Variants in ALDH8A1 observed in about 807,000 individuals in gnomAD.
ALDH8A1 encodes the protein 2-aminomuconic semialdehyde dehydrogenase.
ALDH8A1 carries 39 observed loss-of-function variants against 43.3 expected under a neutral mutation model. The observed-to-expected ratio is 0.90, with a 90% CI of 0.70 to 1.18. The LOEUF (loss-of-function observed/expected upper bound fraction) is 1.18. Ranked by LOEUF, ALDH8A1 falls within the 50% of genes most tolerant of loss-of-function variation. The probability of loss-of-function intolerance (pLI) is 0.00; values close to 1 mark genes in which losing one functional copy is unlikely to be tolerated. For synonymous variants in ALDH8A1, 233 were observed against 243.5 expected, an observed-to-expected ratio of 0.96 and a Z score of 0.40; for missense variants, 605 against 622.6, an observed-to-expected ratio of 0.97 and a Z score of 0.30.
At position 134,918,860 on chromosome 6, in the gene ALDH8A1, C is replaced by G; in HGVS notation, c.1019G>C (p.Ser340Thr). 4.3e-6 allele frequency: 7 copies of G among 1,613,042 alleles called. No individual in the cohort carries two copies. Among genetic ancestry groups the G allele is most frequent in the Non-Finnish European group, 5.1e-6 (6 of 1,179,052 alleles). Reference protein sequence around the residue: ...ISKAHLEKVRSYVKRALAEGA... With the variant: ...ISKAHLEKVRTYVKRALAEGA... ...TTCAGCAAGAGCTCTCTTGACGTAA[C>G]TTCTGACCTGCGTGGGTAAAAATCA... Residue 340 changes from serine (S) to threonine (T), a missense_variant, in exon 7 of 7, where the codon AGT becomes ACT. Coordinates refer to ENST00000265605, the MANE Select transcript of ALDH8A1 (RefSeq NM_022568.4).
chr6:134,941,850 G>GA (rs971243180), intron 3 of ALDH8A1, among the ~76,000 whole-genome samples: 15 of 150,592 alleles, frequency 1.0e-4, no homozygotes, highest in African/African-American at 3.2e-4. Flanking sequence ...AATATAAGTA[G>GA]AAAAAAAAAT....
chr6:134,927,511 G>A (rs759176709), intron 6 of ALDH8A1, among the ~76,000 whole-genome samples: 6 of 151,852 alleles, frequency 4.0e-5, no homozygotes, highest in Admixed American at 6.6e-5. Context: ...ACACACACGC[G>A]TGCATGCACA....
chr6:134,933,303 G>T (rs774996428), intron 4 of ALDH8A1, among the ~76,000 whole-genome samples: 1 of 152,168 alleles, frequency 6.6e-6, no homozygotes, highest in Non-Finnish European at 1.5e-5. Flanking sequence ...ACATATTTTA[G>T]GTGATTCATT....
At chr6:134,935,743 C>T (rs1430876820) in intron 4 of ALDH8A1, among the ~76,000 whole-genome samples, 1 of 152,114 alleles carries the variant, frequency 6.6e-6, no homozygotes, top group African/African-American at 2.4e-5. Context: ...GGATACAACC[C>T]ATTTCTTCCA....
intron 3 of ALDH8A1, chr6:134,940,211 G>T: frequency 2.8e-6 from 1 of 360,182 alleles, no homozygotes; most frequent in Admixed American, 3.4e-5. Flanking sequence ...TCCTGCACGT[G>T]TACCCTGGAA....
intron 4 of ALDH8A1, among the ~76,000 whole-genome samples, chr6:134,934,732 G>A (rs146701793): frequency 2.0e-5 from 3 of 152,272 alleles, no homozygotes; most frequent in Admixed American, 6.5e-5. Context: ...GCAGTGAGCC[G>A]AGATGGTGCC....
At chr6:134,931,187 A>G (rs1347718063) in intron 5 of ALDH8A1, among the ~76,000 whole-genome samples, 1 of 152,164 alleles carries the variant, frequency 6.6e-6, no homozygotes, top group African/African-American at 2.4e-5. Context: ...TCTCTGGGCA[A>G]ACTCAAATCG....
At chr6:134,928,751 A>C (rs1478687625) in intron 6 of ALDH8A1, among the ~76,000 whole-genome samples, 2 of 152,212 alleles carry the variant, frequency 1.3e-5, no homozygotes, top group Admixed American at 1.3e-4. Context: ...GCATTCTTCC[A>C]TATCACCCTT....
chr6:134,922,974 C>T (rs1055416541), intron 6 of ALDH8A1, among the ~76,000 whole-genome samples: 3 of 152,132 alleles, frequency 2.0e-5, no homozygotes, highest in African/African-American at 4.8e-5. Flanking sequence ...GTTATAAAAA[C>T]TCTCTGCCTT....
chr6:134,936,411 G>C (rs984865831), intron 4 of ALDH8A1, among the ~76,000 whole-genome samples: 1 of 152,250 alleles, frequency 6.6e-6, no homozygotes, highest in African/African-American at 2.4e-5. Flanking sequence ...TGTGGAAGGA[G>C]AGGATCCCCC....
intron 3 of ALDH8A1, among the ~76,000 whole-genome samples, chr6:134,939,791 A>ACAATAG (rs1388979431): frequency 1.3e-5 from 2 of 152,242 alleles, no homozygotes; most frequent in Non-Finnish European, 1.5e-5. Context: ...TTTGCTATTC[A>ACAATAG]CAATAGCAAT....
chr6:134,939,120 G>T, intron 4 of ALDH8A1, 146 bp downstream of exon 4: 1 of 1,266,454 alleles, frequency 7.9e-7, no homozygotes, highest in Non-Finnish European at 1.1e-6. Context: ...GGAACCCTGT[G>T]GGTGGAGGGG....
rs768098398 is a variant in ALDH8A1, at chr6:134,917,405, T to G, written c.*1010A>C. On this transcript the variant is annotated 3_prime_UTR_variant, in exon 7 of 7. Transcript: ENST00000265605. The stretch of plus-strand genomic sequence containing the variant: ...ATACATGCCATACTGGTTACTAAAA[T>G]TGCTTAACATTTATTGCTTCTTTTG... 1 of 152,128 alleles carries G rather than the reference T, an allele frequency of 6.6e-6. No individual in the cohort carries two copies. Among genetic ancestry groups the G allele is most frequent in the Non-Finnish European group, 1.5e-5 (1 of 68,022 alleles). The allele number at this position is 152,128 out of a possible 1,614,324, so 9.4% of individuals were successfully genotyped here. A position where few individuals can be genotyped will look rare whatever the true frequency, so the allele number is the denominator to read the frequency against.
intron 6 of ALDH8A1, among the ~76,000 whole-genome samples, chr6:134,922,847 A>G (rs1776826636): frequency 6.6e-6 from 1 of 152,180 alleles, no homozygotes; most frequent in Non-Finnish European, 1.5e-5. Context: ...GCAGAAAATC[A>G]AAAGTAGTTG....
At chr6:134,943,405 C>T (rs1407074203) in intron 2 of ALDH8A1, among the ~76,000 whole-genome samples, 5 of 152,004 alleles carry the variant, frequency 3.3e-5, no homozygotes, top group Admixed American at 6.5e-5. Context: ...TATCAGAAAA[C>T]ATCCTAAATA....
intron 6 of ALDH8A1, among the ~76,000 whole-genome samples, chr6:134,923,878 C>T (rs924078005): frequency 1.3e-5 from 2 of 152,008 alleles, no homozygotes; most frequent in Admixed American, 1.3e-4. Context: ...TATGTTAAGG[C>T]AAATTTATTA....
At chr6:134,929,358 G>A in intron 5 of ALDH8A1, 143 bp from the exon 6 acceptor site, 1 of 723,848 alleles carries the variant, frequency 1.4e-6, no homozygotes, top group Non-Finnish European at 2.1e-6. Context: ...TTCCCACCAT[G>A]TGGAACACAT....
chr6:134,936,512 G>T (rs1282390301), intron 4 of ALDH8A1, among the ~76,000 whole-genome samples: 2 of 152,196 alleles, frequency 1.3e-5, no homozygotes, highest in Non-Finnish European at 2.9e-5. Context: ...CATGCATGTG[G>T]GTGGATGGGG....
chr6:134,919,694 C>G (rs1184265730), intron 6 of ALDH8A1, among the ~76,000 whole-genome samples: 2 of 152,020 alleles, frequency 1.3e-5, no homozygotes, highest in Admixed American at 6.5e-5. Context: ...AAATGTAGAA[C>G]AGCAGTAAAG....
Sources: gnomAD v4.1 joint callset for allele counts (sites outside exome capture counted in the v4.1 genomes callset) on GRCh38, gnomAD v4.1.1 for gene constraint, MANE v1.5 for transcripts, NCBI Gene and HGNC (gene_info 2026-07-23, HGNC 2026-07-21) for gene names.